SGSM2: variants seen among roughly 807,000 people sequenced by gnomAD.
The protein encoded by SGSM2 is small G protein signaling modulator 2, also known as RUN and TBC1 domain containing 1.
Under a neutral mutation model 126.6 loss-of-function variants are expected in SGSM2, and 89 were observed. That is an observed-to-expected ratio of 0.70 (90% CI 0.59 to 0.84). The LOEUF (loss-of-function observed/expected upper bound fraction) is 0.84. Among genes scored for constraint, SGSM2 ranks in the 40% least tolerant of loss-of-function variants. SGSM2 has a pLI of 0.00. For synonymous variants in SGSM2, 614 were observed against 574.3 expected, an observed-to-expected ratio of 1.07 and a Z score of -0.99; for missense variants, 1,404 against 1,416.6, an observed-to-expected ratio of 0.99 and a Z score of 0.14.
Position 2,337,766 on chromosome 17 carries a change from C to T in SGSM2, c.57+21C>T. ...AGGAGGTAAAGTCGAGTCAAGAACC[C>T]CGGGGGGCTCGCGCCCTGGCCCGCG... On this transcript the variant is annotated intron_variant, in intron 1 of 23. Coordinates refer to ENST00000268989, the MANE Select transcript of SGSM2 (RefSeq NM_014853.3). The surrounding 1 kb of genome is among the most constrained non-coding windows in gnomAD (Gnocchi z 5.1). 2 of 1,509,420 alleles carry T rather than the reference C, an allele frequency of 1.3e-6. No individual in the cohort carries two copies. Among genetic ancestry groups the T allele is most frequent in the African/African-American group, 1.4e-5 (1 of 69,648 alleles). 93.5% of individuals were successfully genotyped at this position (1,509,420 alleles called of 1,614,324 possible). A position where few individuals can be genotyped will look rare whatever the true frequency, so the allele number is the denominator to read the frequency against.
intron 2 of SGSM2, 36 bp downstream of exon 2, chr17:2,343,656 C>A: frequency 6.3e-7 from 1 of 1,597,442 alleles, no homozygotes; most frequent in South Asian, 1.1e-5. Context: ...GGAGGTCGGT[C>A]TAGAGCCGAG....
At chr17:2,378,179 C>G (rs1024888232) in intron 22 of SGSM2, among the ~76,000 whole-genome samples, 1 of 152,204 alleles carries the variant, frequency 6.6e-6, no homozygotes, top group South Asian at 2.1e-4. Flanking sequence ...CGCCTGTAAA[C>G]CCAGCACTTT....
rs1329331949 is a variant in SGSM2 at position 2,373,229 on chromosome 17, T to C, written c.1918-102T>C. On this transcript the variant is annotated intron_variant, in intron 16 of 23. Transcript: ENST00000268989. ...ACCGTCCTTACCCTGAGGCCCGTCTTGAGTCTGAGACTCAGGACCCAAGGT... is the reference window on the plus strand; with the variant it reads ...ACCGTCCTTACCCTGAGGCCCGTCTCGAGTCTGAGACTCAGGACCCAAGGT... 2.6e-6 allele frequency: 4 copies of C among 1,542,036 alleles called. No individual in the cohort carries two copies. The African/African-American group carries it at 5.5e-5, about 21-fold the overall frequency.
intron 2 of SGSM2, among the ~76,000 whole-genome samples, chr17:2,359,266 T>C (rs752534503): frequency 6.6e-6 from 1 of 151,522 alleles, no homozygotes; most frequent in Non-Finnish European, 1.5e-5. Flanking sequence ...CTATTATTAT[T>C]TTGTCTGCAC....
chr17:2,366,400 T>A (rs1278367690), intron 11 of SGSM2: 2 of 152,194 alleles, frequency 1.3e-5, no homozygotes, highest in East Asian at 3.8e-4. Flanking sequence ...CGTTTATTGC[T>A]AACAAGACCA....
At chr17:2,339,932 G>A (rs1047320497) in intron 1 of SGSM2, among the ~76,000 whole-genome samples, 2 of 152,120 alleles carry the variant, frequency 1.3e-5, no homozygotes, top group Non-Finnish European at 2.9e-5. Flanking sequence ...CAGCATTTAA[G>A]CCCAATTCTG....
At chr17:2,379,366 T>G in intron 23 of SGSM2, 66 bp from the exon 24 acceptor site, 1 of 1,571,926 alleles carries the variant, frequency 6.4e-7, no homozygotes, top group Non-Finnish European at 8.7e-7. Flanking sequence ...AGCAGGGTAG[T>G]CAGCCACCTC....
At chr17:2,340,777 G>T (rs921370477) in intron 1 of SGSM2, among the ~76,000 whole-genome samples, 1 of 151,936 alleles carries the variant, frequency 6.6e-6, no homozygotes, top group Non-Finnish European at 1.5e-5. Flanking sequence ...GTAGAGACGG[G>T]GTTTCACCAT....
intron 22 of SGSM2, 104 bp from the exon 23 acceptor site, chr17:2,378,932 C>A: frequency 8.2e-7 from 1 of 1,217,280 alleles, no homozygotes; most frequent in Non-Finnish European, 1.1e-6. Context: ...CAGCCTCAGC[C>A]TCAGCCTCAG....
chr17:2,341,667 T>C (rs948209673), intron 1 of SGSM2, among the ~76,000 whole-genome samples: 3 of 152,204 alleles, frequency 2.0e-5, no homozygotes, highest in African/African-American at 7.2e-5. Flanking sequence ...AGGTAATCTC[T>C]ATAATCTCCA....
At chr17:2,340,252 C>T (rs1253814537) in intron 1 of SGSM2, among the ~76,000 whole-genome samples, 2 of 151,976 alleles carry the variant, frequency 1.3e-5, no homozygotes, top group Non-Finnish European at 2.9e-5. Context: ...GTAGCTGGGA[C>T]TACAGGCACA....
Position 2,377,523 on chromosome 17 carries a change from TGAG to T in SGSM2, c.2803-327_2803-325del, listed in dbSNP as rs10543605. The T allele has an allele frequency of 6.8e-3, 1,340 of 195,862 alleles. 18 individuals are homozygous for T. The highest frequency in any genetic ancestry group is 0.031 in the African/African-American group (1,202 of 39,208). The allele number at this position is 195,862 out of a possible 1,614,324, so 12.1% of individuals were successfully genotyped here. On this transcript the variant is annotated intron_variant, in intron 21 of 23. Coordinates refer to ENST00000268989, the MANE Select transcript of SGSM2 (RefSeq NM_014853.3). Reference sequence around the variant, plus strand: ...AAACCATGGTTTCAGCGTTAGAAATTGAGGAGGAGTGTGTGTGTGTGTGAATGC... The same window carrying T: ...AAACCATGGTTTCAGCGTTAGAAATTGAGGAGTGTGTGTGTGTGTGAATGC...
chr17:2,362,199 C>T lies in SGSM2; in HGVS notation c.387C>T (p.His129=), dbSNP rs753406469. Reference sequence around the variant, plus strand: ...CCCTCAGCCCTCAGGCCTTGAAACACGTATGGGTACGCACGGCGCTCATCG... The same window carrying T: ...CCCTCAGCCCTCAGGCCTTGAAACATGTATGGGTACGCACGGCGCTCATCG... ...APALSPQALK[H]VWVRTALIEK... is the part of the protein sequence containing the mutation. Residue 129 remains histidine, a synonymous_variant, in exon 4 of 24, where the codon CAC becomes CAT. Transcript: ENST00000268989. This position sits in a 1 kb window ranked among gnomAD's most constrained non-coding sequence, Gnocchi z 4.9. 3.1e-6 allele frequency: 5 copies of T among 1,613,636 alleles called. No homozygotes were observed. The highest frequency in any genetic ancestry group is 2.2e-5 in the South Asian group (2 of 91,066).
At position 2,379,885 on chromosome 17, in the gene SGSM2, G is replaced by C; in HGVS notation, c.*365G>C. 4 of 1,299,476 alleles carry C rather than the reference G, an allele frequency of 3.1e-6. No homozygotes were observed. In the South Asian group the frequency reaches 8.3e-5, roughly 27 times the overall value. 80.5% of individuals were successfully genotyped at this position (1,299,476 alleles called of 1,614,324 possible). A position where few individuals can be genotyped will look rare whatever the true frequency, so the allele number is the denominator to read the frequency against. On this transcript the variant is annotated 3_prime_UTR_variant, in exon 24 of 24. Transcript: ENST00000268989. ...CCACAGGATTAACAGGGGCTATAGC[G>C]GCCTGGGCCCTACTCAGCTGGGGTG...
intron 1 of SGSM2, 36 bp from the exon 2 acceptor site, chr17:2,343,509 A>G (rs200529872): frequency 1.8e-5 from 29 of 1,607,040 alleles, no homozygotes; most frequent in Non-Finnish European, 2.5e-5. Flanking sequence ...ATAAGGGAAA[A>G]TAATAAAAGC....
intron 19 of SGSM2, chr17:2,376,476 G>A: frequency 3.0e-6 from 2 of 674,632 alleles, no homozygotes; most frequent in South Asian, 3.8e-5. Context: ...ACCTCTTCAG[G>A]AAGCTTTCCC....
intron 2 of SGSM2, among the ~76,000 whole-genome samples, chr17:2,347,099 G>C (rs2064629635): frequency 6.6e-6 from 1 of 151,852 alleles, no homozygotes; most frequent in Non-Finnish European, 1.5e-5. Context: ...TGTCTCGTTT[G>C]TTTGTTTATT....
chr17:2,363,888 C>A lies in SGSM2; in HGVS notation c.808-171C>A. On this transcript the variant is annotated intron_variant, in intron 7 of 23. Transcript: ENST00000268989. This position sits in a 1 kb window ranked among gnomAD's most constrained non-coding sequence, Gnocchi z 4.2. ...GAGAGAGTCAGTGGCACCAGGCTGA[C>A]CAGGGAAACTGAGTCCTGTTTTCCT... The A allele has an allele frequency of 1.2e-6, 1 of 838,120 alleles. No individual in the cohort carries two copies. The highest frequency in any genetic ancestry group is 1.8e-6 in the Non-Finnish European group (1 of 541,828). The allele number at this position is 838,120 out of a possible 1,614,324, so 51.9% of individuals were successfully genotyped here.
chr17:2,376,201 A>G lies in SGSM2; in HGVS notation c.2549A>G (p.Asp850Gly). ...ATAGACAAGGATGTGCAGAGGTGTGACCGCAACTACTGGTACTTCACGCCC... is the reference window on the plus strand; with the variant it reads ...ATAGACAAGGATGTGCAGAGGTGTGGCCGCAACTACTGGTACTTCACGCCC... Reference protein sequence around the residue: ...HRIDKDVQRCDRNYWYFTPPN... With the variant: ...HRIDKDVQRCGRNYWYFTPPN... Residue 850 changes from aspartate (D) to glycine (G), a missense_variant, in exon 19 of 24, where the codon GAC becomes GGC. Coordinates refer to ENST00000268989, the MANE Select transcript of SGSM2 (RefSeq NM_014853.3). 6.2e-7 allele frequency: 1 copy of G among 1,614,010 alleles called. No individual in the cohort carries two copies. The highest frequency in any genetic ancestry group is 8.5e-7 in the Non-Finnish European group (1 of 1,179,996).
Sources: allele counts gnomAD v4.1 joint callset (sites outside exome capture counted in the v4.1 genomes callset), GRCh38; gene constraint gnomAD v4.1.1; non-coding constraint Gnocchi (gnomAD v3.1); transcripts MANE v1.5; gene names NCBI Gene and HGNC (gene_info 2026-07-23, HGNC 2026-07-21).